The following LINGO1 variants were observed in gnomAD, a reference collection of about 807,000 sequenced individuals.
LINGO1 encodes the protein leucine-rich repeat and immunoglobulin-like domain-containing nogo receptor-interacting protein 1.
Under a neutral mutation model 37.3 loss-of-function variants are expected in LINGO1, and 11 were observed. The observed-to-expected ratio is 0.29, with a 90% CI of 0.19 to 0.49. The LOEUF (loss-of-function observed/expected upper bound fraction) is 0.49. Ranked by LOEUF, LINGO1 falls within the 20% of genes least tolerant of loss-of-function variation. LINGO1 has a pLI of 0.99. For synonymous variants in LINGO1, 387 were observed against 403.0 expected (o/e 0.96, Z 0.48); for missense variants, 585 against 878.2 (o/e 0.67, Z 4.22).
intron 1 of LINGO1, among the ~76,000 whole-genome samples, chr15:77,756,489 C>G (rs148532162): frequency 3.6e-3 from 181 of 50,772 alleles, no homozygotes; most frequent in African/African-American, 8.1e-3. Flanking sequence ...CAGACAGACA[C>G]ACACACACAC....
chr15:77,698,786 G>A (rs141157240), upstream of LINGO1, among the ~76,000 whole-genome samples: 4 of 152,326 alleles, frequency 2.6e-5, no homozygotes, highest in African/African-American at 9.6e-5. Context: ...CAGGGCCAGA[G>A]GGTGAGAAGG....
intron 1 of LINGO1, among the ~76,000 whole-genome samples, chr15:77,804,346 G>A (rs1461677168): frequency 2.0e-5 from 3 of 152,184 alleles, no homozygotes; most frequent in Non-Finnish European, 4.4e-5. Context: ...TGAGGGGAGG[G>A]ACTAGTGCAA....
rs566555663 is a variant in LINGO1 at position 77,665,672 on chromosome 15, C to T, written c.-13+11417G>A. Among the ~76,000 whole-genome samples, 74 of 152,342 alleles carry T rather than the reference C, an allele frequency of 4.9e-4. 1 individual carries two copies. Among genetic ancestry groups the T allele is most frequent in the African/African-American group, 1.6e-3 (66 of 41,574 alleles). ...TAGTCGCCATGCTGGGAATTCCACC[C>T]GCCTGCAGACGCTGACCTGCCCACA... On this transcript the variant is annotated intron_variant, in intron 3 of 3. Coordinates refer to the LINGO1 transcript ENST00000559893.
At chr15:77,742,020 G>T (rs1465028233) in intron 1 of LINGO1, among the ~76,000 whole-genome samples, 1 of 152,138 alleles carries the variant, frequency 6.6e-6, no homozygotes. Flanking sequence ...CCAGGCAAAG[G>T]TGCTGAGCAT....
intron 1 of LINGO1, among the ~76,000 whole-genome samples, chr15:77,775,707 C>A (rs1487296475): frequency 6.6e-6 from 1 of 152,036 alleles, no homozygotes; most frequent in Non-Finnish European, 1.5e-5. Context: ...AGCCCACGTC[C>A]CTCTGTCTGT....
At chr15:77,707,988 C>T (rs764324312) in intron 2 of LINGO1, among the ~76,000 whole-genome samples, 2 of 152,222 alleles carry the variant, frequency 1.3e-5, no homozygotes, top group Non-Finnish European at 2.9e-5. Flanking sequence ...CAGCGGGGAA[C>T]CCTGTCCCAC....
intron 3 of LINGO1, among the ~76,000 whole-genome samples, chr15:77,672,858 C>A (rs7177008): frequency 4.1e-4 from 62 of 152,132 alleles, no homozygotes; most frequent in African/African-American, 1.4e-3. Flanking sequence ...CACTCCTTCC[C>A]CCTCCTCACA....
intron 3 of LINGO1, among the ~76,000 whole-genome samples, chr15:77,652,481 AGAGTGTGTGT>A (rs1299501934): frequency 1.8e-5 from 1 of 56,296 alleles, no homozygotes; most frequent in Non-Finnish European, 3.5e-5. Flanking sequence ...CTGGGGAGGG[AGAGTGTGTGT>A]GTGTGTGTGT....
At chr15:77,748,484 A>G (rs1427283743) in intron 1 of LINGO1, among the ~76,000 whole-genome samples, 1 of 152,200 alleles carries the variant, frequency 6.6e-6, no homozygotes, top group African/African-American at 2.4e-5. Flanking sequence ...GCCCGCCCTC[A>G]AGGTAGCCTC....
chr15:77,709,918 C>A (rs941247370), intron 2 of LINGO1, among the ~76,000 whole-genome samples: 3 of 152,244 alleles, frequency 2.0e-5, no homozygotes, highest in Non-Finnish European at 2.9e-5. Flanking sequence ...TGAGACCCCA[C>A]ACGGTGTCCC....
chr15:77,671,660 G>A (rs2075251364), intron 3 of LINGO1, among the ~76,000 whole-genome samples: 1 of 152,222 alleles, frequency 6.6e-6, no homozygotes, highest in African/African-American at 2.4e-5. Context: ...GGGCAGGAAG[G>A]CGGTCCCCGC....
At chr15:77,817,287 T>G (rs1014354841) in intron 1 of LINGO1, among the ~76,000 whole-genome samples, 1 of 152,142 alleles carries the variant, frequency 6.6e-6, no homozygotes, top group African/African-American at 2.4e-5. Context: ...GGGGAGGAAG[T>G]GGCCACAATA....
chr15:77,719,489 T>C (rs926421122), intron 2 of LINGO1, among the ~76,000 whole-genome samples: 3 of 149,626 alleles, frequency 2.0e-5, no homozygotes, highest in Non-Finnish European at 4.5e-5. Context: ...CAGGCTGGCA[T>C]GGACATGAGG....
Position 77,748,903 on chromosome 15 carries a change from CCT to C in LINGO1, c.-256-13852_-256-13851del, listed in dbSNP as rs2076342121. 1.1e-4 allele frequency among the ~76,000 whole-genome samples: 13 copies of C among 120,584 alleles called. No individual in the cohort carries two copies. The South Asian group carries it at 2.6e-3, about 24-fold the overall frequency. 79.1% of individuals were successfully genotyped at this position (120,584 alleles called of 152,430 possible). A position where few individuals can be genotyped will look rare whatever the true frequency, so the allele number is the denominator to read the frequency against. ...ATTTATTTATTTATTTTCCTTCCTTCCTTCTCTTTTTTTTTTTTTTTTTTTTT... is the reference window on the plus strand; with the variant it reads ...ATTTATTTATTTATTTTCCTTCCTTCTCTCTTTTTTTTTTTTTTTTTTTTT... On this transcript the variant is annotated intron_variant, in intron 1 of 3. Transcript: ENST00000561686.
At position 77,807,142 on chromosome 15, in the gene LINGO1, G is replaced by A. The variant is rs117011213; in HGVS notation, c.-457-11089C>T. Among the ~76,000 whole-genome samples, 694 of 152,294 alleles carry A rather than the reference G, an allele frequency of 4.6e-3. 2 individuals are homozygous for A. The highest frequency in any genetic ancestry group is 7.8e-3 in the Non-Finnish European group (533 of 68,034). On this transcript the variant is annotated intron_variant, in intron 1 of 5. Coordinates refer to the LINGO1 transcript ENST00000562933. ...ATCCCATCTCCTACCCCTTCTTCAAGGCGCAGTCCAAATGCTTCTCTTTCC... is the reference window on the plus strand; with the variant it reads ...ATCCCATCTCCTACCCCTTCTTCAAAGCGCAGTCCAAATGCTTCTCTTTCC...
upstream of LINGO1, among the ~76,000 whole-genome samples, chr15:77,790,061 A>G (rs974967070): frequency 5.9e-5 from 9 of 152,272 alleles, no homozygotes; most frequent in Middle Eastern, 3.4e-3. Flanking sequence ...CATGAGCCAC[A>G]GTGCCCAGCC....
chr15:77,659,778 G>C (rs1368885402), intron 3 of LINGO1, among the ~76,000 whole-genome samples: 2 of 145,970 alleles, frequency 1.4e-5, no homozygotes, highest in Non-Finnish European at 3.0e-5. Context: ...ATTTATAATG[G>C]AAGTCTCCCA....
At chr15:77,694,770 C>T (rs748367776) in intron 1 of LINGO1, among the ~76,000 whole-genome samples, 2 of 152,206 alleles carry the variant, frequency 1.3e-5, no homozygotes, top group Non-Finnish European at 2.9e-5. Context: ...GTCCCTCCCA[C>T]GAGGCGTCGT....
At chr15:77,627,692 C>A (rs1435124473) in intron 1 of LINGO1, among the ~76,000 whole-genome samples, 1 of 152,220 alleles carries the variant, frequency 6.6e-6, no homozygotes, top group East Asian at 1.9e-4. Context: ...TAGGACCACT[C>A]CTTCCCATCC....
Sources: allele counts gnomAD v4.1 joint callset (sites outside exome capture counted in the v4.1 genomes callset), GRCh38; gene constraint gnomAD v4.1.1; transcripts MANE v1.5; gene names NCBI Gene and HGNC (gene_info 2026-07-23, HGNC 2026-07-21).